Variants in PSMD1 observed in about 807,000 individuals in gnomAD.
PSMD1 encodes 26S proteasome non-ATPase regulatory subunit 1.
In PSMD1, 18 loss-of-function variants were observed where a neutral mutation model predicts 119.0. The ratio of observed to expected loss-of-function variants is 0.15; its 90% CI spans 0.10 to 0.22. The LOEUF (loss-of-function observed/expected upper bound fraction) is 0.22. Ranked by LOEUF, PSMD1 falls within the 10% of genes least tolerant of loss-of-function variation. The pLI, the probability that PSMD1 is intolerant of heterozygous loss-of-function variation, is 1.00. For synonymous variants in PSMD1, 374 were observed against 396.6 expected, an observed-to-expected ratio of 0.94 and a Z score of 0.68; for missense variants, 702 against 1,158.5, an observed-to-expected ratio of 0.61 and a Z score of 5.72.
At chr2:231,135,618 G>A (rs948956472) in intron 16 of PSMD1, among the ~76,000 whole-genome samples, 9 of 152,034 alleles carry the variant, frequency 5.9e-5, no homozygotes, top group Non-Finnish European at 1.3e-4. Flanking sequence ...TCTGGTTTTT[G>A]TTATTCCTGG....
At chr2:231,114,383 C>T (rs1234611642) in intron 16 of PSMD1, among the ~76,000 whole-genome samples, 2 of 152,178 alleles carry the variant, frequency 1.3e-5, no homozygotes, top group Non-Finnish European at 2.9e-5. Context: ...GTCTCTGTGA[C>T]ACCTGGGTTT....
chr2:231,172,091 A>G (rs1174855580), intron 24 of PSMD1, among the ~76,000 whole-genome samples: 1 of 152,190 alleles, frequency 6.6e-6, no homozygotes, highest in Admixed American at 6.5e-5. Flanking sequence ...TAACCTTCCT[A>G]TTTTCTAAAC....
intron 17 of PSMD1, among the ~76,000 whole-genome samples, chr2:231,144,840 T>C (rs1348869545): frequency 1.3e-5 from 2 of 152,212 alleles, no homozygotes; most frequent in Admixed American, 6.5e-5. Context: ...TTATAAAGAT[T>C]GTTTTGTGCT....
At chr2:231,092,872 C>T (rs1048742099) in intron 16 of PSMD1, among the ~76,000 whole-genome samples, 5 of 152,192 alleles carry the variant, frequency 3.3e-5, no homozygotes, top group South Asian at 2.1e-4. Context: ...AAGGCATTTC[C>T]TTTGCCATGA....
chr2:231,072,623 AAT>A (rs1694068480), intron 7 of PSMD1, among the ~76,000 whole-genome samples: 1 of 152,126 alleles, frequency 6.6e-6, no homozygotes. Context: ...TCTGGAAAGA[AAT>A]AGAAGTGATT....
intron 17 of PSMD1, 169 bp downstream of exon 17, chr2:231,139,019 C>G: frequency 1.4e-6 from 1 of 701,340 alleles, no homozygotes; most frequent in Non-Finnish European, 2.7e-6. Flanking sequence ...CTGGATTGCC[C>G]AAAGCTGCTT....
At chr2:231,137,316 A>G (rs1313717651) in intron 16 of PSMD1, among the ~76,000 whole-genome samples, 4 of 151,660 alleles carry the variant, frequency 2.6e-5, no homozygotes, top group East Asian at 1.9e-4. Flanking sequence ...AGGTTTCACC[A>G]TGTTGGCCAT....
chr2:231,170,033 G>T lies in PSMD1; in HGVS notation c.2716-533G>T, dbSNP rs1696879234. Reference sequence around the variant, plus strand: ...TGGCTTTTAATTTATACACTCTCGTGTTCAAAATGATTATCATCTCACAAA... The same window carrying T: ...TGGCTTTTAATTTATACACTCTCGTTTTCAAAATGATTATCATCTCACAAA... On this transcript the variant is annotated intron_variant, in intron 23 of 24. Coordinates refer to ENST00000308696, the MANE Select transcript of PSMD1 (RefSeq NM_002807.4). The surrounding 1 kb of genome is among the most constrained non-coding windows in gnomAD (Gnocchi z 4.1). Among the ~76,000 whole-genome samples the T allele has an allele frequency of 6.6e-6, 1 of 152,154 alleles. No homozygotes were observed. The highest frequency in any genetic ancestry group is 1.5e-5 in the Non-Finnish European group (1 of 68,022).
chr2:231,163,388 T>G, intron 20 of PSMD1: 1 of 389,520 alleles, frequency 2.6e-6, no homozygotes, highest in East Asian at 4.0e-5. Context: ...GCAGGTTGGT[T>G]TGTTCATAAA....
chr2:231,134,835 A>G (rs1695932128), intron 16 of PSMD1, among the ~76,000 whole-genome samples: 3 of 152,234 alleles, frequency 2.0e-5, no homozygotes, highest in Non-Finnish European at 4.4e-5. Context: ...TAAGGGAGAA[A>G]GCAAAAGTGG....
chr2:231,163,651 A>G lies in PSMD1; in HGVS notation c.2405A>G (p.Tyr802Cys), dbSNP rs761435030. The change falls in exon 21 of 25, where the codon TAT becomes TGT. Residue 802 changes from tyrosine (Y) to cysteine (C), a missense_variant. Transcript: ENST00000308696. The part of the protein sequence containing the change: ...NKDLKMPKVQ[Y>C]KSNCKPSTFA... ...TTTCTTCAGATGCCGAAAGTTCAGT[A>G]TAAATCGAACTGTAAACCATCCACA... The G allele has an allele frequency of 6.2e-7, 1 of 1,612,194 alleles. No homozygotes were observed. Among genetic ancestry groups the G allele is most frequent in the Non-Finnish European group, 8.5e-7 (1 of 1,178,462 alleles).
At chr2:231,100,251 A>G (rs1052963943) in intron 16 of PSMD1, among the ~76,000 whole-genome samples, 2 of 152,218 alleles carry the variant, frequency 1.3e-5, no homozygotes, top group Admixed American at 1.3e-4. Context: ...AGTTACTTCT[A>G]TAGAAGAGTG....
chr2:231,119,980 C>T (rs1444634872), intron 16 of PSMD1, among the ~76,000 whole-genome samples: 1 of 148,796 alleles, frequency 6.7e-6, no homozygotes, highest in Non-Finnish European at 1.5e-5. Context: ...TGAGACAGAG[C>T]CTCACCCCGT....
intron 8 of PSMD1, among the ~76,000 whole-genome samples, chr2:231,075,822 A>G (rs993201536): frequency 1.3e-5 from 2 of 152,098 alleles, no homozygotes; most frequent in African/African-American, 2.4e-5. Flanking sequence ...AGCTCAAGCA[A>G]TCCGTTTGCC....
intron 12 of PSMD1, among the ~76,000 whole-genome samples, chr2:231,082,255 C>T (rs1479314207): frequency 2.0e-5 from 3 of 151,892 alleles, no homozygotes; most frequent in Non-Finnish European, 4.4e-5. Flanking sequence ...TTGTACAGAC[C>T]GAGTCTCCCT....
intron 19 of PSMD1, 120 bp from the exon 20 acceptor site, chr2:231,161,220 A>G: frequency 1.0e-6 from 1 of 984,512 alleles, no homozygotes; most frequent in Non-Finnish European, 1.5e-6. Context: ...CTTGGGTAAC[A>G]GTGAGACCCT....
At chr2:231,112,808 T>G (rs1695198427) in intron 16 of PSMD1, among the ~76,000 whole-genome samples, 1 of 151,696 alleles carries the variant, frequency 6.6e-6, no homozygotes, top group Non-Finnish European at 1.5e-5. Context: ...AGGATTTCTT[T>G]TATACATAAT....
intron 18 of PSMD1, among the ~76,000 whole-genome samples, chr2:231,150,689 T>C (rs766355469): frequency 4.6e-5 from 7 of 152,198 alleles, no homozygotes; most frequent in Non-Finnish European, 1.0e-4. Context: ...TATATGGATA[T>C]GTATCATGTT....
intron 15 of PSMD1, 64 bp downstream of exon 15, chr2:231,085,178 G>A: frequency 7.4e-7 from 1 of 1,356,714 alleles, no homozygotes; most frequent in South Asian, 1.2e-5. Context: ...GACAATAAGT[G>A]TCTAGGTGAC....
Sources: allele counts gnomAD v4.1 joint callset (sites outside exome capture counted in the v4.1 genomes callset), GRCh38; gene constraint gnomAD v4.1.1; non-coding constraint Gnocchi (gnomAD v3.1); transcripts MANE v1.5; gene names NCBI Gene and HGNC (gene_info 2026-07-23, HGNC 2026-07-21).